The following PPP1R12A variants were observed in gnomAD, a reference collection of about 807,000 sequenced individuals.
PPP1R12A encodes protein phosphatase 1 regulatory subunit 12A.
Under a neutral mutation model 139.6 loss-of-function variants are expected in PPP1R12A, and 19 were observed. The observed-to-expected ratio is 0.14, with a 90% CI of 0.09 to 0.20. The LOEUF is 0.20. Among genes scored for constraint, PPP1R12A ranks in the 10% least tolerant of loss-of-function variants. The pLI is 1.00. For synonymous variants in PPP1R12A, 427 were observed against 420.6 expected (o/e 1.02, Z -0.19); for missense variants, 925 against 1,211.5 (o/e 0.76, Z 3.51).
chr12:79,803,823 A>T (rs1002127263), intron 14 of PPP1R12A, among the ~76,000 whole-genome samples: 6 of 152,110 alleles, frequency 3.9e-5, no homozygotes, highest in African/African-American at 1.4e-4. Context: ...CCAAGCGTTT[A>T]ATTTTCAATC....
At chr12:79,884,770 G>A (rs1565796799) in intron 1 of PPP1R12A, among the ~76,000 whole-genome samples, 1 of 152,184 alleles carries the variant, frequency 6.6e-6, no homozygotes, top group African/African-American at 2.4e-5. Flanking sequence ...ATAAATGGCT[G>A]TGTGAAGACA....
intron 9 of PPP1R12A, among the ~76,000 whole-genome samples, chr12:79,812,038 G>C (rs1201596252): frequency 6.6e-6 from 1 of 152,090 alleles, no homozygotes; most frequent in African/African-American, 2.4e-5. Flanking sequence ...CTTCACATGG[G>C]TTATCCTGTT....
intron 9 of PPP1R12A, among the ~76,000 whole-genome samples, chr12:79,815,265 T>A (rs1039084588): frequency 6.6e-5 from 10 of 152,082 alleles, no homozygotes; most frequent in African/African-American, 2.2e-4. Flanking sequence ...CAGTGCTGGG[T>A]GCAGTGGCTC....
chr12:79,787,322 A>G (rs1165119955), intron 21 of PPP1R12A: 3 of 152,166 alleles, frequency 2.0e-5, no homozygotes, highest in Admixed American at 6.5e-5. Context: ...CCTCAAATGA[A>G]TATTTCTTCC....
At chr12:79,865,461 C>G (rs1881858654) in intron 2 of PPP1R12A, among the ~76,000 whole-genome samples, 1 of 152,174 alleles carries the variant, frequency 6.6e-6, no homozygotes, top group African/African-American at 2.4e-5. Context: ...ATTGGAAGTT[C>G]TGGCCAGGGC....
intron 6 of PPP1R12A, among the ~76,000 whole-genome samples, chr12:79,821,479 G>A (rs11114253): frequency 3.2e-4 from 49 of 152,182 alleles, no homozygotes; most frequent in Non-Finnish European, 5.3e-4. Context: ...CTGGCTGGGC[G>A]CAGTGGCTCA....
chr12:79,839,862 T>C (rs953501892), intron 3 of PPP1R12A, among the ~76,000 whole-genome samples: 3 of 152,216 alleles, frequency 2.0e-5, no homozygotes, highest in Admixed American at 2.0e-4. Flanking sequence ...GTCTTGGGTA[T>C]TTCTTCATAG....
intron 1 of PPP1R12A, among the ~76,000 whole-genome samples, chr12:79,920,949 T>C (rs1412717879): frequency 6.6e-6 from 1 of 152,248 alleles, no homozygotes; most frequent in Non-Finnish European, 1.5e-5. Flanking sequence ...CATTACTTGT[T>C]CTCTTTTTTA....
rs750505871 is a variant in PPP1R12A at position 79,774,448 on chromosome 12, C to T, written c.*1481G>A. 6 of 152,490 alleles carry T rather than the reference C, an allele frequency of 3.9e-5. No homozygotes were observed. The highest frequency in any genetic ancestry group is 7.4e-5 in the Non-Finnish European group (5 of 67,976). The allele number at this position is 152,490 out of a possible 1,614,324, so 9.4% of individuals were successfully genotyped here. ...ATAGTATACAATACAATCAATAATA[C>T]AATCAGCTACTATAAGCTTTACAAT... On this transcript the variant is annotated 3_prime_UTR_variant, in exon 25 of 25. Coordinates refer to ENST00000450142, the MANE Select transcript of PPP1R12A (RefSeq NM_002480.3).
At chr12:79,853,276 T>C (rs1186794924) in intron 2 of PPP1R12A, among the ~76,000 whole-genome samples, 1 of 152,236 alleles carries the variant, frequency 6.6e-6, no homozygotes, top group Admixed American at 6.5e-5. Context: ...TTTCTTTGTC[T>C]GTGGCCATTG....
At chr12:79,923,799 T>C (rs896905942) in intron 1 of PPP1R12A, among the ~76,000 whole-genome samples, 9 of 152,060 alleles carry the variant, frequency 5.9e-5, no homozygotes, top group Non-Finnish European at 1.0e-4. Flanking sequence ...TCGCAGCACT[T>C]TGGGAGGCTG....
rs376800577 is a variant in PPP1R12A at position 79,849,402 on chromosome 12, A to G, written c.369-3982T>C. 5.2e-3 allele frequency among the ~76,000 whole-genome samples: 791 copies of G among 152,252 alleles called. 5 individuals carry two copies. Among genetic ancestry groups the G allele is most frequent in the African/African-American group, 0.018 (751 of 41,542 alleles). On this transcript the variant is annotated intron_variant, in intron 2 of 24. Coordinates refer to ENST00000450142, the MANE Select transcript of PPP1R12A (RefSeq NM_002480.3). ...ACTCCATTTCAAAGGGGGGAAAAAA[A>G]AAAGAAAGAAAGCAATGTTTAAGAT... is the stretch of plus-strand genomic sequence containing the variant.
intron 1 of PPP1R12A, among the ~76,000 whole-genome samples, chr12:79,928,949 T>C (rs1007795569): frequency 6.6e-6 from 1 of 152,228 alleles, no homozygotes. Flanking sequence ...GAAAAACTAT[T>C]TTAAAATTCT....
At chr12:79,816,561 G>A (rs1235437183) in intron 9 of PPP1R12A, among the ~76,000 whole-genome samples, 2 of 152,060 alleles carry the variant, frequency 1.3e-5, no homozygotes, top group Non-Finnish European at 2.9e-5. Flanking sequence ...AGAAAGATAG[G>A]TTCCAGAGAA....
In PPP1R12A at chr12:79,872,050, A is replaced by G. The variant is rs181130901; in HGVS notation, c.368+758T>C. Among the ~76,000 whole-genome samples the G allele has an allele frequency of 2.7e-3, 409 of 152,250 alleles. 2 individuals carry two copies. Among genetic ancestry groups the G allele is most frequent in the African/African-American group, 9.5e-3 (395 of 41,552 alleles). ...CTTGAAATTGAGATATTGTATCTCC[A>G]GCACAAATGGGGAAAAAAAGCAAAA... On this transcript the variant is annotated intron_variant, in intron 2 of 24. Coordinates refer to ENST00000450142, the MANE Select transcript of PPP1R12A (RefSeq NM_002480.3).
At chr12:79,779,802 A>G (rs1870199159) in intron 23 of PPP1R12A, 3 of 164,248 alleles carry the variant, frequency 1.8e-5, no homozygotes, top group Admixed American at 5.8e-5. Context: ...TTAGTGGTAA[A>G]GTAAGACAAG....
chr12:79,778,617 T>A lies in PPP1R12A; in HGVS notation c.2956-17A>T. ...TCTTCGTTCCTAGATCGATTTAAGG[T>A]ACCAATGTTAGTTATATAATTATTA... On this transcript the variant is annotated splice_polypyrimidine_tract_variant and intron_variant, in intron 23 of 24. Coordinates refer to ENST00000450142, the MANE Select transcript of PPP1R12A (RefSeq NM_002480.3). 1 of 1,471,696 alleles carries A rather than the reference T, an allele frequency of 6.8e-7. No individual in the cohort carries two copies. The highest frequency in any genetic ancestry group is 9.2e-7 in the Non-Finnish European group (1 of 1,092,132). The allele number at this position is 1,471,696 out of a possible 1,614,324, so 91.2% of individuals were successfully genotyped here.
chr12:79,927,761 C>T (rs1887953471), intron 1 of PPP1R12A, among the ~76,000 whole-genome samples: 1 of 152,182 alleles, frequency 6.6e-6, no homozygotes, highest in African/African-American at 2.4e-5. Context: ...AAGCACTGCT[C>T]CTCAATAAAA....
chr12:79,831,444 G>A (rs766369478), intron 4 of PPP1R12A, among the ~76,000 whole-genome samples: 14 of 152,088 alleles, frequency 9.2e-5, no homozygotes, highest in African/African-American at 1.2e-4. Flanking sequence ...TTAAGTGGGC[G>A]TAGTGGCACA....
Sources: allele counts gnomAD v4.1 joint callset (sites outside exome capture counted in the v4.1 genomes callset), GRCh38; gene constraint gnomAD v4.1.1; transcripts MANE v1.5; gene names NCBI Gene and HGNC (gene_info 2026-07-23, HGNC 2026-07-21).